The following GRID1 variants were observed in gnomAD, a reference collection of about 807,000 sequenced individuals.
GRID1 encodes the protein glutamate ionotropic receptor delta type subunit 1.
A neutral mutation model predicts 98.0 loss-of-function variants in GRID1; 28 were observed. That is an observed-to-expected ratio of 0.29 (90% CI 0.21 to 0.39). The LOEUF is 0.39. GRID1 is among the 10% of genes least tolerant of loss of function. The pLI is 1.00. For missense variants in GRID1, 1,111 were observed against 1,340.5 expected (o/e 0.83, Z 2.67); for synonymous variants, 553 against 538.5 (o/e 1.03, Z -0.37).
At chr10:85,634,249 C>CCTCTCTCTCTCTCTCTCT (rs775506130) in intron 13 of GRID1, among the ~76,000 whole-genome samples, 1,406 of 92,186 alleles carry the variant, frequency 0.015, 60 homozygotes, top group Middle Eastern at 0.024. Context: ...TGATGGGGCA[C>CCTCTCTCTCTCTCTCTCT]CTCTCTCTCT....
intron 3 of GRID1, among the ~76,000 whole-genome samples, chr10:86,141,110 G>A (rs1845004645): frequency 6.6e-6 from 1 of 152,092 alleles, no homozygotes; most frequent in Non-Finnish European, 1.5e-5. Flanking sequence ...AGGAGAGCCA[G>A]CCCCAGGGCC....
At chr10:86,293,291 C>G (rs1364602067) in intron 2 of GRID1, among the ~76,000 whole-genome samples, 1 of 152,142 alleles carries the variant, frequency 6.6e-6, no homozygotes, top group African/African-American at 2.4e-5. Context: ...AAGGAGCCAT[C>G]GCCTACCTCC....
intron 8 of GRID1, among the ~76,000 whole-genome samples, chr10:85,828,038 A>G (rs1178154257): frequency 1.3e-5 from 2 of 152,182 alleles, no homozygotes; most frequent in Non-Finnish European, 2.9e-5. Context: ...AATCAGCTAT[A>G]AAACAATTCT....
At chr10:85,867,857 A>G (rs1843236780) in intron 6 of GRID1, among the ~76,000 whole-genome samples, 1 of 152,148 alleles carries the variant, frequency 6.6e-6, no homozygotes, top group Admixed American at 6.5e-5. Context: ...AACCAAGAAA[A>G]CATTTCTCAT....
At chr10:86,166,087 A>G (rs1181209216) in intron 3 of GRID1, among the ~76,000 whole-genome samples, 3 of 152,176 alleles carry the variant, frequency 2.0e-5, no homozygotes, top group African/African-American at 7.2e-5. Context: ...TGTTGTTCTC[A>G]GCGGTTCTTT....
intron 2 of GRID1, among the ~76,000 whole-genome samples, chr10:86,330,495 G>A (rs1848124309): frequency 6.6e-6 from 1 of 152,146 alleles, no homozygotes; most frequent in African/African-American, 2.4e-5. Flanking sequence ...GCAGACCCCT[G>A]GAGACTGCAC....
intron 8 of GRID1, among the ~76,000 whole-genome samples, chr10:85,806,217 T>G (rs1842622081): frequency 6.6e-6 from 1 of 152,138 alleles, no homozygotes; most frequent in South Asian, 2.1e-4. Flanking sequence ...CATGAAATGA[T>G]GCTCAATATT....
At chr10:85,684,718 T>A (rs1390888069) in intron 12 of GRID1, among the ~76,000 whole-genome samples, 1 of 152,200 alleles carries the variant, frequency 6.6e-6, no homozygotes, top group Non-Finnish European at 1.5e-5. Context: ...GCTGCCATAA[T>A]ACAATATCAT....
At chr10:86,148,135 A>G (rs1008533563) in intron 3 of GRID1, among the ~76,000 whole-genome samples, 3 of 152,246 alleles carry the variant, frequency 2.0e-5, no homozygotes, top group Admixed American at 6.5e-5. Context: ...TGGCCTTGCC[A>G]TACCTAAATC....
rs200659871 is a variant in GRID1 at position 86,177,833 on chromosome 10, GAGAC to G, written c.520+28527_520+28530del. On this transcript the variant is annotated intron_variant, in intron 3 of 15. Transcript: ENST00000327946. ...TTAGCGTATGCACGCGTGTGTGCAC[GAGAC>G]AGACAGAGACTTCAGTGTATGTGTG... Among the ~76,000 whole-genome samples, 718 of 152,200 alleles carry G rather than the reference GAGAC, an allele frequency of 4.7e-3. 6 individuals are homozygous for G. Among genetic ancestry groups the G allele is most frequent in the African/African-American group, 9.5e-3 (393 of 41,514 alleles).
At chr10:85,897,584 A>C (rs908956371) in intron 5 of GRID1, among the ~76,000 whole-genome samples, 1 of 152,166 alleles carries the variant, frequency 6.6e-6, no homozygotes, top group Non-Finnish European at 1.5e-5. Context: ...TTGAGTGCCT[A>C]CAGAAGTCTT....
chr10:85,757,423 C>A (rs1842109703), intron 8 of GRID1, among the ~76,000 whole-genome samples: 1 of 152,244 alleles, frequency 6.6e-6, no homozygotes, highest in Admixed American at 6.5e-5. Flanking sequence ...ATTCTCCCAT[C>A]TGTCCATTCT....
intron 2 of GRID1, among the ~76,000 whole-genome samples, chr10:86,266,106 G>A (rs1430625546): frequency 2.0e-5 from 3 of 152,088 alleles, no homozygotes; most frequent in East Asian, 3.9e-4. Context: ...CACCCTGCTG[G>A]GGTAGTCACT....
At chr10:85,608,898 TC>T in intron 15 of GRID1, among the ~76,000 whole-genome samples, 1 of 152,282 alleles carries the variant, frequency 6.6e-6, no homozygotes, top group Admixed American at 6.5e-5. Flanking sequence ...AGCCATTTGC[TC>T]CTGAGCATAG....
intron 8 of GRID1, among the ~76,000 whole-genome samples, chr10:85,825,732 T>C (rs7071693): frequency 0.33 from 50,593 of 151,830 alleles, 9,089 homozygotes; most frequent in African/African-American, 0.45. Context: ...AAAAATATGG[T>C]AAGAGAGAAA....
intron 8 of GRID1, among the ~76,000 whole-genome samples, chr10:85,790,067 A>G (rs2132738976): frequency 6.6e-6 from 1 of 152,264 alleles, no homozygotes. Flanking sequence ...CCCAGTGGGC[A>G]ATTCATCCTC....
chr10:85,652,283 T>G (rs1036754844), intron 12 of GRID1, among the ~76,000 whole-genome samples: 30 of 152,348 alleles, frequency 2.0e-4, no homozygotes, highest in Admixed American at 8.5e-4. Context: ...GTTTGCAGTA[T>G]GAGAAAAATC....
At chr10:86,219,646 C>G (rs1361801503) in intron 2 of GRID1, among the ~76,000 whole-genome samples, 5 of 152,194 alleles carry the variant, frequency 3.3e-5, no homozygotes, top group African/African-American at 4.8e-5. Flanking sequence ...TGGGGTGAAG[C>G]TGGGGAGGTA....
chr10:85,702,031 C>T (rs1237052340), intron 12 of GRID1, among the ~76,000 whole-genome samples: 6 of 151,956 alleles, frequency 3.9e-5, no homozygotes, highest in Non-Finnish European at 8.8e-5. Context: ...AGGAAGATAT[C>T]ATTATGAAAG....
Sources: gnomAD v4.1 joint callset for allele counts (sites outside exome capture counted in the v4.1 genomes callset) on GRCh38, gnomAD v4.1.1 for gene constraint, MANE v1.5 for transcripts, NCBI Gene and HGNC (gene_info 2026-07-23, HGNC 2026-07-21) for gene names.